The following LSAMP variants were observed in gnomAD, a reference collection of about 807,000 sequenced individuals.
The protein encoded by LSAMP is limbic system-associated membrane protein.
In LSAMP, 7 loss-of-function variants were observed where a neutral mutation model predicts 38.6. The ratio of observed to expected loss-of-function variants is 0.18; its 90% CI spans 0.10 to 0.34. The LOEUF is 0.34. Ranked by LOEUF, LSAMP falls within the 10% of genes least tolerant of loss-of-function variation. The pLI is 1.00. For missense variants in LSAMP, 313 were observed against 420.0 expected (o/e 0.75, Z 2.23); for synonymous variants, 154 against 166.8 (o/e 0.92, Z 0.59).
intron 1 of LSAMP, among the ~76,000 whole-genome samples, chr3:116,252,607 T>C (rs1351883722): frequency 6.6e-6 from 1 of 152,220 alleles, no homozygotes. Flanking sequence ...TGTAATCTTA[T>C]GAATTCTCGT....
intron 2 of LSAMP, among the ~76,000 whole-genome samples, chr3:116,037,194 C>T (rs1227796438): frequency 3.9e-5 from 6 of 152,102 alleles, no homozygotes; most frequent in Non-Finnish European, 8.8e-5. Flanking sequence ...CTATATTTGG[C>T]ATTTTGCAGG....
intron 1 of LSAMP, among the ~76,000 whole-genome samples, chr3:116,220,458 A>G (rs1473283542): frequency 6.6e-6 from 1 of 152,134 alleles, no homozygotes; most frequent in African/African-American, 2.4e-5. Context: ...GGGCAGCTGA[A>G]GTTAGAAAAG....
chr3:116,090,471 A>T (rs978205400), intron 1 of LSAMP, among the ~76,000 whole-genome samples: 1 of 152,154 alleles, frequency 6.6e-6, no homozygotes, highest in Non-Finnish European at 1.5e-5. Context: ...AGGCTTGTGG[A>T]GTAAATGAGA....
intron 1 of LSAMP, among the ~76,000 whole-genome samples, chr3:116,211,148 A>G (rs1443658184): frequency 6.6e-6 from 1 of 152,202 alleles, no homozygotes; most frequent in Non-Finnish European, 1.5e-5. Flanking sequence ...TGCTAAACTC[A>G]TAGAAGCAGA....
intron 1 of LSAMP, among the ~76,000 whole-genome samples, chr3:116,346,098 T>C (rs1157999411): frequency 2.6e-5 from 4 of 152,104 alleles, no homozygotes; most frequent in African/African-American, 9.7e-5. Flanking sequence ...TTACTATATA[T>C]CCTAAAAGGA....
rs115213924 is a variant in LSAMP at position 116,140,912 on chromosome 3, A to T, written c.156-54356T>A. Among the ~76,000 whole-genome samples the T allele has an allele frequency of 1.7e-3, 264 of 152,066 alleles. 1 individual carries two copies. Among genetic ancestry groups the T allele is most frequent in the African/African-American group, 6.1e-3 (252 of 41,530 alleles). On this transcript the variant is annotated intron_variant, in intron 1 of 6. Coordinates refer to ENST00000490035, the MANE Select transcript of LSAMP (RefSeq NM_002338.5). ...AGAATAGGAAGAAAAGAAGAGGGAG[A>T]AGGATAAAAGATCAGTGGTTTTCTC...
intron 1 of LSAMP, among the ~76,000 whole-genome samples, chr3:116,414,244 A>G (rs532119683): frequency 6.6e-6 from 1 of 152,130 alleles, no homozygotes; most frequent in East Asian, 1.9e-4. Flanking sequence ...AGGAGAAAAA[A>G]AGCCAGCAGA....
chr3:116,268,793 T>C (rs147901536), intron 1 of LSAMP, among the ~76,000 whole-genome samples: 168 of 152,170 alleles, frequency 1.1e-3, no homozygotes, highest in African/African-American at 3.7e-3. Context: ...TAAAAAAATA[T>C]TATTATTCTC....
chr3:115,886,677 G>A (rs150554208), intron 3 of LSAMP, among the ~76,000 whole-genome samples: 1 of 151,862 alleles, frequency 6.6e-6, no homozygotes, highest in Non-Finnish European at 1.5e-5. Flanking sequence ...TTGAGTGTTT[G>A]TCAGGAACAA....
chr3:115,841,730 A>G (rs1353372942), intron 6 of LSAMP, 115 bp downstream of exon 6: 2 of 1,269,288 alleles, frequency 1.6e-6, no homozygotes, highest in African/African-American at 3.0e-5. Context: ...TTCAGTGCAT[A>G]TATCCTTATT....
intron 3 of LSAMP, among the ~76,000 whole-genome samples, chr3:115,881,377 T>G (rs1936318831): frequency 6.6e-6 from 1 of 152,182 alleles, no homozygotes; most frequent in African/African-American, 2.4e-5. Context: ...CAATCCATAT[T>G]TGGATGTTAC....
intron 6 of LSAMP, among the ~76,000 whole-genome samples, chr3:115,835,679 T>C (rs1934758772): frequency 6.6e-6 from 1 of 152,200 alleles, no homozygotes; most frequent in South Asian, 2.1e-4. Flanking sequence ...TGCCTTATGC[T>C]TAAAAAGAGT....
At chr3:116,249,828 TTTA>T (rs747451149) in intron 1 of LSAMP, among the ~76,000 whole-genome samples, 47 of 152,074 alleles carry the variant, frequency 3.1e-4, no homozygotes, top group Admixed American at 4.6e-4. Flanking sequence ...TTAGCATATG[TTTA>T]TTATTATTAT....
intron 1 of LSAMP, among the ~76,000 whole-genome samples, chr3:116,197,360 C>G (rs188005233): frequency 5.6e-4 from 86 of 152,276 alleles, no homozygotes; most frequent in African/African-American, 2.0e-3. Context: ...TCAGATGGAG[C>G]CAGCTGCTTC....
chr3:116,358,516 G>A (rs879642373), intron 1 of LSAMP, among the ~76,000 whole-genome samples: 12 of 152,046 alleles, frequency 7.9e-5, no homozygotes, highest in East Asian at 1.9e-4. Context: ...ACACTTGGAC[G>A]GAAGAAAAGC....
At chr3:116,217,278 G>C (rs952414254) in intron 1 of LSAMP, among the ~76,000 whole-genome samples, 35 of 152,290 alleles carry the variant, frequency 2.3e-4, no homozygotes, top group African/African-American at 8.2e-4. Context: ...AATCATGCTT[G>C]AAAACGCAAA....
intron 1 of LSAMP, among the ~76,000 whole-genome samples, chr3:116,276,672 AAT>A (rs71141866): frequency 0.051 from 7,246 of 142,576 alleles, 220 homozygotes; most frequent in Middle Eastern, 0.094. Context: ...CCTATGGAAA[AAT>A]AAAAAAAAAG....
intron 1 of LSAMP, among the ~76,000 whole-genome samples, chr3:116,353,146 G>A (rs1035836494): frequency 1.3e-5 from 2 of 151,968 alleles, no homozygotes; most frequent in East Asian, 1.9e-4. Context: ...AAAGACATTA[G>A]GTTCATGAGA....
chr3:116,312,302 G>GA (rs750329261), intron 1 of LSAMP, among the ~76,000 whole-genome samples: 1 of 152,186 alleles, frequency 6.6e-6, no homozygotes, highest in South Asian at 2.1e-4. Context: ...GGGCTCCTTA[G>GA]AAATGTTGGC....
Sources: allele counts gnomAD v4.1 joint callset (sites outside exome capture counted in the v4.1 genomes callset), GRCh38; gene constraint gnomAD v4.1.1; transcripts MANE v1.5; gene names NCBI Gene and HGNC (gene_info 2026-07-23, HGNC 2026-07-21).